Variants in TOP1MT observed in about 807,000 individuals in gnomAD.
TOP1MT encodes the protein DNA topoisomerase I, mitochondrial.
Under a neutral mutation model 73.9 loss-of-function variants are expected in TOP1MT, and 80 were observed. That is an observed-to-expected ratio of 1.08 (90% CI 0.90 to 1.30). The LOEUF (loss-of-function observed/expected upper bound fraction) is 1.30, where lower values mean the gene tolerates loss of function less well. Among genes scored for constraint, TOP1MT ranks in the 50% most tolerant of loss-of-function variants. The pLI is 0.00. For synonymous variants in TOP1MT, 338 were observed against 326.4 expected, an observed-to-expected ratio of 1.04 and a Z score of -0.38; for missense variants, 815 against 808.0, an observed-to-expected ratio of 1.01 and a Z score of -0.10.
intron 2 of TOP1MT, among the ~76,000 whole-genome samples, chr8:143,339,929 C>T: frequency 1.0e-5 from 1 of 99,590 alleles, no homozygotes; most frequent in Non-Finnish European, 1.9e-5. Context: ...GTCTACACAG[C>T]ATTACCCCAC....
chr8:143,348,164 C>A (rs184203091), upstream of TOP1MT, among the ~76,000 whole-genome samples: 2 of 152,164 alleles, frequency 1.3e-5, no homozygotes, highest in African/African-American at 4.8e-5. This position sits in a 1 kb window ranked among gnomAD's most constrained non-coding sequence, Gnocchi z 4.6. Context: ...ACTGGTAAAC[C>A]CAGGCCCGCC....
At chr8:143,328,183 A>C (rs1315364532) in intron 3 of TOP1MT, 2 of 451,978 alleles carry the variant, frequency 4.4e-6, no homozygotes, top group Non-Finnish European at 8.9e-6. Context: ...CAGGACACAA[A>C]AGTACTCACC....
At chr8:143,334,692 A>C (rs2130362171) in intron 1 of TOP1MT, 48 bp downstream of exon 1, 7 of 1,594,928 alleles carry the variant, frequency 4.4e-6, no homozygotes, top group Non-Finnish European at 6.0e-6. Flanking sequence ...GGACCTACCC[A>C]AGCCCGGTGC....
chr8:143,337,046 C>T (rs1353546217), upstream of TOP1MT, among the ~76,000 whole-genome samples: 2 of 152,148 alleles, frequency 1.3e-5, no homozygotes, highest in East Asian at 1.9e-4. Context: ...ACTCTGAAAA[C>T]TGTAAAACAT....
Position 143,321,308 on chromosome 8 carries a change from G to A in TOP1MT, c.1039C>T (p.His347Tyr), listed in dbSNP as rs774727010. The change falls in exon 8 of 14, where the codon CAC becomes TAC. Residue 347 changes from histidine (H) to tyrosine (Y), a missense_variant. Physicochemically the swap from His to Tyr is moderately conservative, Grantham distance 83 (BLOSUM62 2). Around this residue, in one of 3 missense-constraint regions of TOP1MT, gnomAD observed 751 missense variants for 725.4 expected, o/e 1.04. Coordinates refer to ENST00000329245, the MANE Select transcript of TOP1MT (RefSeq NM_052963.3). ...TCGGCCTCCGGGTGCAGCTGGACGT[G>A]CTCCACGCGGAGGGAACAGCAGCCC... The part of the protein sequence containing the change: ...TVGCCSLRVE[H>Y]VQLHPEADGC... 3 of 1,612,418 alleles carry A rather than the reference G, an allele frequency of 1.9e-6. No homozygotes were observed. Among genetic ancestry groups the A allele is most frequent in the Middle Eastern group, 3.3e-4 (2 of 6,048 alleles).
At chr8:143,328,101 G>A (rs2130268993) in intron 3 of TOP1MT, 1 of 389,644 alleles carries the variant, frequency 2.6e-6, no homozygotes, top group East Asian at 7.3e-5. Context: ...ACATTGTTAA[G>A]AGAACGCAAA....
At chr8:143,322,070 C>A (rs1342103958) in intron 7 of TOP1MT, among the ~76,000 whole-genome samples, 1 of 97,454 alleles carries the variant, frequency 1.0e-5, no homozygotes, top group African/African-American at 3.4e-5. Context: ...ACGCCACACA[C>A]GCACGCCACA....
chr8:143,314,902 G>A (rs1295987080), intron 12 of TOP1MT, among the ~76,000 whole-genome samples: 2 of 152,166 alleles, frequency 1.3e-5, no homozygotes, highest in African/African-American at 2.4e-5. Context: ...GCCATACAGA[G>A]ATATGAGGGG....
chr8:143,315,355 T>C (rs1816128092), intron 12 of TOP1MT, among the ~76,000 whole-genome samples: 1 of 152,170 alleles, frequency 6.6e-6, no homozygotes, highest in African/African-American at 2.4e-5. Flanking sequence ...TGGCGTAAAC[T>C]GTTCTCTCTC....
upstream of TOP1MT, among the ~76,000 whole-genome samples, chr8:143,336,889 G>A (rs910445829): frequency 1.3e-5 from 2 of 152,150 alleles, no homozygotes; most frequent in African/African-American, 4.8e-5. Flanking sequence ...CACAATTGTA[G>A]GGTACAAGAT....
chr8:143,329,907 C>G (rs1816807841), intron 2 of TOP1MT, among the ~76,000 whole-genome samples: 1 of 150,876 alleles, frequency 6.6e-6, no homozygotes, highest in African/African-American at 2.5e-5. Flanking sequence ...CCACCATTCC[C>G]TGCATTTTAT....
rs1816350423 is a variant in TOP1MT at position 143,321,464 on chromosome 8, CCACACACGCACGCCACACGCACGCCA to C, written c.961-104_961-79del. On this transcript the variant is annotated intron_variant, in intron 7 of 13. Transcript: ENST00000329245. The stretch of plus-strand genomic sequence containing the variant: ...CACACGCACGCCACACACACGCACG[CCACACACGCACGCCACACGCACGCCA>C]CACACGCACGCCACACACACGCACT... 5.2e-5 allele frequency: 52 copies of C among 997,276 alleles called. 1 individual carries two copies. The highest frequency in any genetic ancestry group is 2.2e-4 in the East Asian group (8 of 35,608). 61.8% of individuals were successfully genotyped at this position (997,276 alleles called of 1,614,324 possible). A position where few individuals can be genotyped will look rare whatever the true frequency, so the allele number is the denominator to read the frequency against.
intron 1 of TOP1MT, among the ~76,000 whole-genome samples, chr8:143,332,173 C>T (rs1252152382): frequency 5.3e-5 from 8 of 152,242 alleles, no homozygotes; most frequent in Non-Finnish European, 7.3e-5. Flanking sequence ...TGCCCTGAAC[C>T]AGCACTGCGC....
At chr8:143,355,933 C>G (rs1817400337) in intron 1 of TOP1MT, 1 of 152,250 alleles carries the variant, frequency 6.6e-6, no homozygotes, top group Non-Finnish European at 1.5e-5. Flanking sequence ...TCACCTCACT[C>G]TTAGAAGAGG....
intron 2 of TOP1MT, 146 bp downstream of exon 2, chr8:143,331,078 C>T: frequency 3.4e-6 from 2 of 583,942 alleles, no homozygotes; most frequent in Non-Finnish European, 5.9e-6. Flanking sequence ...CAGCAGCCCC[C>T]ACGCATCACC....
chr8:143,340,808 T>A (rs1477371699), intron 2 of TOP1MT, among the ~76,000 whole-genome samples: 2 of 152,224 alleles, frequency 1.3e-5, no homozygotes, highest in African/African-American at 4.8e-5. Context: ...CTGTCCCACT[T>A]TTGTGCCACT....
chr8:143,324,801 C>T (rs534245170), intron 5 of TOP1MT, among the ~76,000 whole-genome samples, 172 bp from the exon 6 acceptor site: 2 of 152,336 alleles, frequency 1.3e-5, no homozygotes, highest in Admixed American at 1.3e-4. Flanking sequence ...AAAGCAGCCA[C>T]TCAATCTACC....
chr8:143,322,371 G>T (rs1475032396), intron 7 of TOP1MT, among the ~76,000 whole-genome samples: 2 of 29,644 alleles, frequency 6.7e-5, no homozygotes, highest in South Asian at 1.8e-3. Flanking sequence ...CACACACACA[G>T]GCACGCCACA....
chr8:143,323,136 CACCACACACAG>C (rs1298637388), intron 7 of TOP1MT, among the ~76,000 whole-genome samples: 6 of 138,158 alleles, frequency 4.3e-5, no homozygotes, highest in African/African-American at 1.5e-4. Flanking sequence ...CACACAGGCA[CACCACACACAG>C]GCACGCCACA....
Sources: allele counts gnomAD v4.1 joint callset (sites outside exome capture counted in the v4.1 genomes callset), GRCh38; gene constraint gnomAD v4.1.1; regional missense constraint gnomAD v4.1.1; non-coding constraint Gnocchi (gnomAD v3.1); transcripts MANE v1.5; gene names NCBI Gene and HGNC (gene_info 2026-07-23, HGNC 2026-07-21).